Variants in BEND7 observed in about 807,000 individuals in gnomAD.
The protein encoded by BEND7 is BEN domain-containing protein 7.
In BEND7, 28 loss-of-function variants were observed where a neutral mutation model predicts 50.9. The ratio of observed to expected loss-of-function variants is 0.55; its 90% CI spans 0.41 to 0.75. The LOEUF (loss-of-function observed/expected upper bound fraction) is 0.75, where lower values mean the gene tolerates loss of function less well. BEND7 is among the 30% of genes least tolerant of loss of function. BEND7 has a pLI of 0.00. For synonymous variants in BEND7, 170 were observed against 183.9 expected (o/e 0.92, Z 0.61); for missense variants, 477 against 491.3 (o/e 0.97, Z 0.28).
At chr10:13,493,855 A>G (rs2076845886) in intron 4 of BEND7, among the ~76,000 whole-genome samples, 1 of 152,256 alleles carries the variant, frequency 6.6e-6, no homozygotes, top group East Asian at 1.9e-4. Flanking sequence ...GCTTTTCAAC[A>G]GAAATGAACC....
intron 2 of BEND7, among the ~76,000 whole-genome samples, chr10:13,503,191 G>C (rs913653653): frequency 3.3e-5 from 5 of 152,204 alleles, no homozygotes; most frequent in African/African-American, 1.2e-4. Flanking sequence ...AGGGAGGAAG[G>C]TGGCAGGTGT....
chr10:13,443,769 A>C (rs888259869), intron 8 of BEND7: 1 of 152,234 alleles, frequency 6.6e-6, no homozygotes, highest in Non-Finnish European at 1.5e-5. Flanking sequence ...TAGAGTGGAA[A>C]AATGCTTGTT....
At chr10:13,454,611 C>T (rs1838521114) in intron 6 of BEND7, among the ~76,000 whole-genome samples, 1 of 152,156 alleles carries the variant, frequency 6.6e-6, no homozygotes, top group South Asian at 2.1e-4. Context: ...TTGAGTGAGA[C>T]TTTAAGCGAC....
rs1836575184 is a variant in BEND7 at position 13,447,290 on chromosome 10, C to A, written c.1210G>T (p.Asp404Tyr). Residue 404 changes from aspartate to tyrosine, a missense_variant, in exon 8 of 9, where the codon GAC (aspartate) becomes TAC (tyrosine). This residue lies in a region of BEND7 where 64 missense variants were observed against 68.5 expected (regional missense o/e 0.93). Coordinates refer to ENST00000466271, the MANE Select transcript of BEND7 (RefSeq NM_001369863.1). ...CCTGTTGGTGGTAGAGCAATGCCGT[C>A]CAGTCTTTCATCACTGTCCGCGATC... ...SEIADSDERL[D>Y]GIALPPTVV 6.2e-7 allele frequency: 1 copy of A among 1,614,142 alleles called. No individual in the cohort carries two copies. Among genetic ancestry groups the A allele is most frequent in the East Asian group, 2.2e-5 (1 of 44,880 alleles).
At chr10:13,439,417 T>C (rs747079818), downstream of BEND7, 9 of 1,614,020 alleles carry the variant, frequency 5.6e-6, no homozygotes, top group African/African-American at 6.7e-5. Flanking sequence ...TCTTGTGACA[T>C]TGTCTGAGGT....
At chr10:13,461,436 G>A (rs1840174246) in intron 6 of BEND7, among the ~76,000 whole-genome samples, 2 of 152,168 alleles carry the variant, frequency 1.3e-5, no homozygotes, top group Non-Finnish European at 2.9e-5. Flanking sequence ...AGGTTCCTTA[G>A]AAAATTCTAA....
chr10:13,528,436 C>T (rs1418014499), intron 1 of BEND7, 37 bp downstream of exon 1: 1 of 984,204 alleles, frequency 1.0e-6, no homozygotes, highest in Non-Finnish European at 1.2e-6. Context: ...GGGCGCGGCG[C>T]CCGCTGCCTG....
chr10:13,496,668 G>A, intron 4 of BEND7, 98 bp downstream of exon 4: 2 of 1,380,880 alleles, frequency 1.4e-6, no homozygotes, highest in Admixed American at 2.3e-5. Context: ...AGCAAGGTGA[G>A]AAGAAGGCTT....
At chr10:13,487,849 T>C (rs2076344488) in intron 5 of BEND7, among the ~76,000 whole-genome samples, 1 of 152,036 alleles carries the variant, frequency 6.6e-6, no homozygotes, top group South Asian at 2.1e-4. Flanking sequence ...TCTCAGCACT[T>C]TGCGAGGACG....
At chr10:13,500,887 C>T (rs1163500736) in intron 2 of BEND7, 1 of 957,994 alleles carries the variant, frequency 1.0e-6, no homozygotes, top group East Asian at 1.2e-4. Context: ...ATGCCAAACG[C>T]ACTGCCACCT....
chr10:13,480,223 T>G (rs545372935), intron 6 of BEND7, among the ~76,000 whole-genome samples: 2 of 152,232 alleles, frequency 1.3e-5, no homozygotes, highest in African/African-American at 2.4e-5. Context: ...GTTTAGGATG[T>G]GGCACTGGAT....
rs1238403899 is a variant in BEND7, at chr10:13,470,339, C to T, written c.1063+10560G>A. Among the ~76,000 whole-genome samples the T allele has an allele frequency of 2.0e-5, 3 of 152,206 alleles. No individual in the cohort carries two copies. In the East Asian group the frequency reaches 5.8e-4, roughly 29 times the overall value. ...CAGTGTCCACAACGGCAACAGTGCC[C>T]ACAATGGTGTGCAATGCACATTCTA... On this transcript the variant is annotated intron_variant, in intron 6 of 8. Coordinates refer to ENST00000466271, the MANE Select transcript of BEND7 (RefSeq NM_001369863.1).
chr10:13,438,918 G>A, downstream of BEND7: 12 of 453,986 alleles, frequency 2.6e-5, no homozygotes, highest in South Asian at 2.8e-4. Context: ...GGGCTGATGG[G>A]AGAAGGGGAG....
chr10:13,487,543 C>G (rs986069416), intron 5 of BEND7, among the ~76,000 whole-genome samples: 3 of 151,932 alleles, frequency 2.0e-5, no homozygotes, highest in South Asian at 2.1e-4. Flanking sequence ...TGCGCCACCA[C>G]GCCCGGCTAA....
chr10:13,518,708 C>A (rs777709826), intron 2 of BEND7, among the ~76,000 whole-genome samples: 17 of 152,154 alleles, frequency 1.1e-4, no homozygotes, highest in Non-Finnish European at 2.2e-4. Context: ...TCAGAAATCC[C>A]AAATTTCTAC....
In BEND7 at chr10:13,528,584, A is replaced by AGCGGCAGCG. The variant is rs1213634778; in HGVS notation, c.-60_-52dup. On this transcript the variant is annotated 5_prime_UTR_variant, in exon 1 of 9. Transcript: ENST00000466271. ...CTGAGGAGGCGGCGGCAGCGGCGGC[A>AGCGGCAGCG]GCGGCAGCGGCGGCAGCGGCAGCGG... 8.2e-4 allele frequency: 21 copies of AGCGGCAGCG among 25,460 alleles called. No individual in the cohort carries two copies. Among genetic ancestry groups the AGCGGCAGCG allele is most frequent in the African/African-American group, 3.1e-3 (8 of 2,608 alleles). 1.6% of individuals were successfully genotyped at this position (25,460 alleles called of 1,614,324 possible). A position where few individuals can be genotyped will look rare whatever the true frequency, so the allele number is the denominator to read the frequency against.
At chr10:13,483,559 G>A (rs1420057994) in intron 5 of BEND7, among the ~76,000 whole-genome samples, 2 of 152,198 alleles carry the variant, frequency 1.3e-5, no homozygotes, top group African/African-American at 4.8e-5. Context: ...AAGTGGGTTT[G>A]AAAGTTTGCC....
At chr10:13,527,406 T>TAG (rs2079508414) in intron 1 of BEND7, among the ~76,000 whole-genome samples, 1 of 152,232 alleles carries the variant, frequency 6.6e-6, no homozygotes, top group African/African-American at 2.4e-5. Flanking sequence ...TTAGCTAGCT[T>TAG]AGCTCAGTTT....
At chr10:13,472,063 G>A (rs1040088692) in intron 6 of BEND7, among the ~76,000 whole-genome samples, 2 of 151,468 alleles carry the variant, frequency 1.3e-5, no homozygotes, top group Non-Finnish European at 1.5e-5. Flanking sequence ...ACTCGGGGTC[G>A]ATACCCGTCA....
Sources: gnomAD v4.1 joint callset for allele counts (sites outside exome capture counted in the v4.1 genomes callset) on GRCh38, gnomAD v4.1.1 for gene constraint, gnomAD v4.1.1 regional missense constraint, MANE v1.5 for transcripts, NCBI Gene and HGNC (gene_info 2026-07-23, HGNC 2026-07-21) for gene names.